SLC26A11: variants seen among roughly 807,000 people sequenced by gnomAD.
SLC26A11 encodes the protein solute carrier family 26 member 11.
In SLC26A11, 58 loss-of-function variants were observed where a neutral mutation model predicts 62.2. That is an observed-to-expected ratio of 0.93 (90% CI 0.76 to 1.16). The LOEUF (loss-of-function observed/expected upper bound fraction) is 1.16. Ranked by LOEUF, SLC26A11 falls within the 50% of genes most tolerant of loss-of-function variation. The probability of loss-of-function intolerance (pLI) is 0.00; values close to 1 mark genes in which losing one functional copy is unlikely to be tolerated. For missense variants in SLC26A11, 790 were observed against 794.3 expected (o/e 0.99, Z 0.06); for synonymous variants, 411 against 368.9 (o/e 1.11, Z -1.31).
In SLC26A11 at chr17:80,246,373, G is replaced by C. The variant is rs922877321; in HGVS notation, c.1154-136G>C. On this transcript the variant is annotated intron_variant, in intron 12 of 17. Transcript: ENST00000361193. The surrounding 1 kb of genome is among the most constrained non-coding windows in gnomAD (Gnocchi z 4.4). ...TAGGGGGACCACAGGAGACTGAGCA[G>C]GGGCTGGGGGCCTTGGCAGTCGTCG... is the stretch of plus-strand genomic sequence containing the variant. The C allele has an allele frequency of 7.0e-6, 10 of 1,426,130 alleles. No individual in the cohort carries two copies. The Admixed American group carries it at 2.1e-4, about 29-fold the overall frequency. 88.3% of individuals were successfully genotyped at this position (1,426,130 alleles called of 1,614,324 possible).
chr17:80,235,622 T>G (rs952651166), intron 7 of SLC26A11, among the ~76,000 whole-genome samples: 1 of 152,256 alleles, frequency 6.6e-6, no homozygotes, highest in Non-Finnish European at 1.5e-5. Flanking sequence ...TCCCAAAGTG[T>G]TGGGATTACA....
chr17:80,249,367 C>T (rs940670264), intron 16 of SLC26A11, 80 bp downstream of exon 16: 29 of 1,552,130 alleles, frequency 1.9e-5, no homozygotes, highest in Non-Finnish European at 2.4e-5. Context: ...GCGAATGTGA[C>T]ATCTCTGGGC....
Position 80,253,146 on chromosome 17 carries a change from C to T in SLC26A11, c.*430C>T, listed in dbSNP as rs180933930. ...GAGGCGGGTCCGCTCCTCTTGTCTG[C>T]GGCATCTGTGCTCTCCGAGAGAAAA... is the stretch of plus-strand genomic sequence containing the variant. On this transcript the variant is annotated 3_prime_UTR_variant, in exon 18 of 18. Transcript: ENST00000361193. The T allele has an allele frequency of 1.3e-4, 20 of 154,592 alleles. No individual in the cohort carries two copies. The highest frequency in any genetic ancestry group is 1.9e-4 in the Admixed American group (3 of 15,460). 9.6% of individuals were successfully genotyped at this position (154,592 alleles called of 1,614,324 possible). A position where few individuals can be genotyped will look rare whatever the true frequency, so the allele number is the denominator to read the frequency against.
intron 9 of SLC26A11, among the ~76,000 whole-genome samples, chr17:80,240,164 G>A (rs2042818408): frequency 6.6e-6 from 1 of 151,886 alleles, no homozygotes; most frequent in African/African-American, 2.4e-5. Context: ...TCAGGAGATG[G>A]AGACCATCCT....
rs1222106468 is a variant in SLC26A11 at position 80,227,909 on chromosome 17, A to T, written c.685A>T (p.Met229Leu). Residue 229 changes from methionine (M) to leucine (L), a missense_variant, in exon 7 of 18, where the codon ATG (methionine) becomes TTG (leucine). Physicochemically the swap from Met to Leu is conservative, Grantham distance 15 (BLOSUM62 2). Coordinates refer to ENST00000361193, the MANE Select transcript of SLC26A11 (RefSeq NM_001166347.2). ...CCACGTGCCTCCCGTCCACCCCGAG[A>T]TGCCCCCTGGTGTGCGGCTCAGCCG... ...RDHVPPVHPEMPPGVRLSRGL... is the reference protein window; with the variant it reads ...RDHVPPVHPELPPGVRLSRGL... 1 of 1,601,368 alleles carries T rather than the reference A, an allele frequency of 6.2e-7. No homozygotes were observed. The highest frequency in any genetic ancestry group is 8.5e-7 in the Non-Finnish European group (1 of 1,179,800).
At chr17:80,224,680 T>G (rs1444328160) in intron 5 of SLC26A11, among the ~76,000 whole-genome samples, 1 of 152,172 alleles carries the variant, frequency 6.6e-6, no homozygotes, top group Non-Finnish European at 1.5e-5. Flanking sequence ...CAAATGCTGT[T>G]TCAGGGCATG....
chr17:80,237,622 G>C (rs764625657), intron 9 of SLC26A11, 28 bp downstream of exon 9: 1 of 1,602,626 alleles, frequency 6.2e-7, no homozygotes, highest in East Asian at 2.2e-5. Context: ...CACACCCCAG[G>C]TCTCCCAGTG....
At chr17:80,239,943 T>C (rs2042812653) in intron 9 of SLC26A11, among the ~76,000 whole-genome samples, 6 of 152,400 alleles carry the variant, frequency 3.9e-5, no homozygotes, top group Admixed American at 3.9e-4. Flanking sequence ...CACTTGGGGA[T>C]GTGCTGTCCG....
In SLC26A11 at chr17:80,246,237, C is replaced by T; in HGVS notation, c.1153+28C>T. 1 of 1,600,948 alleles carries T rather than the reference C, an allele frequency of 6.2e-7. No individual in the cohort carries two copies. The highest frequency in any genetic ancestry group is 1.1e-5 in the South Asian group (1 of 89,514). ...AAGGCCCCCCATCTTCCCCTTGTGC[C>T]CGCAGCCCTGAGAGTGGGAGAAAGG... On this transcript the variant is annotated intron_variant, in intron 12 of 17. Transcript: ENST00000361193. The surrounding 1 kb of genome is among the most constrained non-coding windows in gnomAD (Gnocchi z 4.4).
intron 13 of SLC26A11, among the ~76,000 whole-genome samples, chr17:80,247,055 CT>C (rs527441968): frequency 0.049 from 7,083 of 145,660 alleles, 172 homozygotes; most frequent in Middle Eastern, 0.096. Flanking sequence ...ATGGCAGTTC[CT>C]TTTTTTTTTT....
chr17:80,237,629 A>T, intron 9 of SLC26A11, 35 bp downstream of exon 9: 1 of 1,597,320 alleles, frequency 6.3e-7, no homozygotes, highest in Non-Finnish European at 8.5e-7. Context: ...CAGGTCTCCC[A>T]GTGCGCCGGC....
At position 80,223,158 on chromosome 17, in the gene SLC26A11, C is replaced by A; in HGVS notation, c.428-94C>A. The A allele has an allele frequency of 8.5e-7, 1 of 1,177,462 alleles. No homozygotes were observed. The highest frequency in any genetic ancestry group is 1.3e-6 in the Non-Finnish European group (1 of 797,608). 72.9% of individuals were successfully genotyped at this position (1,177,462 alleles called of 1,614,324 possible). ...AGCTGCGGTATCTGCTCCCCAATCC[C>A]ACCCATTGCCACCTTCCCCAGCTCA... On this transcript the variant is annotated intron_variant, in intron 4 of 17. Coordinates refer to ENST00000361193, the MANE Select transcript of SLC26A11 (RefSeq NM_001166347.2). This position sits in a 1 kb window ranked among gnomAD's most constrained non-coding sequence, Gnocchi z 4.6.
At chr17:80,226,905 C>T (rs1465351225) in intron 6 of SLC26A11, among the ~76,000 whole-genome samples, 1 of 152,182 alleles carries the variant, frequency 6.6e-6, no homozygotes, top group Admixed American at 6.5e-5. Context: ...CTTCCCCTCC[C>T]CTCTGATCTG....
intron 9 of SLC26A11, 89 bp downstream of exon 9, chr17:80,237,683 T>A: frequency 4.8e-6 from 6 of 1,261,520 alleles, no homozygotes; most frequent in Non-Finnish European, 5.6e-6. Flanking sequence ...TATCCGTTAC[T>A]AGTTTTAGAA....
In SLC26A11 at chr17:80,245,255, C is replaced by G; in HGVS notation, c.1096C>G (p.Arg366Gly). ...CTACCCGGTCACAGGCAGCTTTGGA[C>G]GGTGAGTGACCTGTCCGCCTCTTCT... ...SSYPVTGSFG[R>G]TAVNAQSGVC... The change falls in exon 11 of 18, where the codon CGG (arginine) becomes GGG (glycine). Residue 366 changes from arginine (R) to glycine (G), a missense_variant and splice_region_variant. Arg to Gly is a moderately radical substitution (Grantham distance 125). Transcript: ENST00000361193. The G allele has an allele frequency of 6.2e-7, 1 of 1,613,818 alleles. No homozygotes were observed. The highest frequency in any genetic ancestry group is 8.5e-7 in the Non-Finnish European group (1 of 1,179,886).
chr17:80,234,570 C>T (rs965143857), intron 7 of SLC26A11, among the ~76,000 whole-genome samples: 2 of 152,052 alleles, frequency 1.3e-5, no homozygotes, highest in Admixed American at 1.3e-4. Context: ...AAAATAAACA[C>T]CCATCTTTTC....
At chr17:80,231,112 T>C (rs986500050) in intron 7 of SLC26A11, among the ~76,000 whole-genome samples, 2 of 151,638 alleles carry the variant, frequency 1.3e-5, no homozygotes, top group African/African-American at 4.8e-5. Flanking sequence ...TTATTTCCTT[T>C]CTTCTATTTA....
In SLC26A11 at chr17:80,248,054, T is replaced by C; in HGVS notation, c.1295-76T>C. ...TACTCATATGTGGGGGGCAGAAAGC[T>C]GTCCCGCTGGTCAGCAGGGCCATGT... On this transcript the variant is annotated intron_variant, in intron 13 of 17. Transcript: ENST00000361193. 2.7e-6 allele frequency: 4 copies of C among 1,467,768 alleles called. No individual in the cohort carries two copies. In the South Asian group the frequency reaches 5.5e-5, roughly 20 times the overall value. The allele number at this position is 1,467,768 out of a possible 1,614,324, so 90.9% of individuals were successfully genotyped here.
At chr17:80,248,327 G>A in intron 14 of SLC26A11, 70 bp downstream of exon 14, 2 of 1,535,962 alleles carry the variant, frequency 1.3e-6, no homozygotes, top group Non-Finnish European at 8.8e-7. Context: ...CTTATGTTTT[G>A]AGGGTCCGGG....
Sources: gnomAD v4.1 joint callset for allele counts (sites outside exome capture counted in the v4.1 genomes callset) on GRCh38, gnomAD v4.1.1 for gene constraint, Gnocchi (gnomAD v3.1) non-coding constraint, MANE v1.5 for transcripts, NCBI Gene and HGNC (gene_info 2026-07-23, HGNC 2026-07-21) for gene names.